Variants in BFAR observed in about 807,000 individuals in gnomAD.
BFAR encodes bifunctional apoptosis regulator.
In BFAR, 52 loss-of-function variants were observed where a neutral mutation model predicts 54.4. That is an observed-to-expected ratio of 0.96 (90% CI 0.77 to 1.21). The LOEUF (loss-of-function observed/expected upper bound fraction) is 1.21, where lower values mean the gene tolerates loss of function less well. Ranked by LOEUF, BFAR falls within the 50% of genes most tolerant of loss-of-function variation. The pLI is 0.00. For missense variants in BFAR, 571 were observed against 534.0 expected, an observed-to-expected ratio of 1.07 and a Z score of -0.68; for synonymous variants, 215 against 204.3, an observed-to-expected ratio of 1.05 and a Z score of -0.45.
At position 14,643,690 on chromosome 16, in the gene BFAR, C is replaced by G. The variant is rs1037059029; in HGVS notation, c.-73-584C>G. On this transcript the variant is annotated intron_variant, in intron 1 of 7. Coordinates refer to ENST00000261658, the MANE Select transcript of BFAR (RefSeq NM_016561.3). ...GAGGGTGAGGTGGAGGATCACCTAC[C>G]TGAGCCTGGGAAGTTGAGGCGGCAG... The G allele has an allele frequency of 2.0e-5, 3 of 152,082 alleles. No homozygotes were observed. In the East Asian group the frequency reaches 5.8e-4, roughly 29 times the overall value. The allele number at this position is 152,082 out of a possible 1,614,324, so 9.4% of individuals were successfully genotyped here.
chr16:14,652,505 T>G (rs960551761), intron 4 of BFAR, among the ~76,000 whole-genome samples: 1 of 151,774 alleles, frequency 6.6e-6, no homozygotes, highest in Admixed American at 6.6e-5. Context: ...GGTCTGAAAC[T>G]CCTGACCTCT....
intron 1 of BFAR, among the ~76,000 whole-genome samples, chr16:14,637,792 G>A (rs1959498729): frequency 6.6e-6 from 1 of 151,114 alleles, no homozygotes; most frequent in Non-Finnish European, 1.5e-5. Flanking sequence ...TTGTGCCACT[G>A]CACTCCAGCC....
At chr16:14,637,384 T>G (rs1959484256) in intron 1 of BFAR, among the ~76,000 whole-genome samples, 1 of 152,114 alleles carries the variant, frequency 6.6e-6, no homozygotes, top group Non-Finnish European at 1.5e-5. Context: ...TTTTGGTGTT[T>G]CCGCCTGGTT....
intron 7 of BFAR, among the ~76,000 whole-genome samples, chr16:14,665,370 A>G (rs1960414149): frequency 6.6e-6 from 1 of 152,206 alleles, no homozygotes; most frequent in African/African-American, 2.4e-5. Context: ...GGAATAAGCA[A>G]CTGAATAGAA....
Position 14,648,289 on chromosome 16 carries a change from C to T in BFAR, c.264-99C>T. The T allele has an allele frequency of 1.9e-5, 17 of 881,882 alleles. No homozygotes were observed. The South Asian group carries it at 2.5e-4, about 13-fold the overall frequency. 54.6% of individuals were successfully genotyped at this position (881,882 alleles called of 1,614,324 possible). On this transcript the variant is annotated intron_variant, in intron 2 of 7. Transcript: ENST00000261658. ...TTTCTTGTCAGTTCTCCTAGGGTAGCTATATATTATTAGATGTTGACTATC... is the reference window on the plus strand; with the variant it reads ...TTTCTTGTCAGTTCTCCTAGGGTAGTTATATATTATTAGATGTTGACTATC...
intron 6 of BFAR, among the ~76,000 whole-genome samples, chr16:14,664,260 T>C (rs1314130702): frequency 6.6e-6 from 1 of 151,796 alleles, no homozygotes; most frequent in Non-Finnish European, 1.5e-5. Flanking sequence ...GGTCGGGATT[T>C]ATGGTAAGTA....
chr16:14,657,641 C>A (rs1403421673), intron 5 of BFAR, among the ~76,000 whole-genome samples: 1 of 152,092 alleles, frequency 6.6e-6, no homozygotes, highest in African/African-American at 2.4e-5. Flanking sequence ...CTTCCAGGTT[C>A]AAGCAATTCT....
chr16:14,653,401 C>G (rs1356428596), intron 4 of BFAR, among the ~76,000 whole-genome samples: 1 of 151,984 alleles, frequency 6.6e-6, no homozygotes, highest in Admixed American at 6.6e-5. Context: ...GATCTTGGCT[C>G]ACTGCAACCT....
At chr16:14,664,131 A>G (rs1346796356) in intron 6 of BFAR, among the ~76,000 whole-genome samples, 1 of 152,106 alleles carries the variant, frequency 6.6e-6, no homozygotes, top group Admixed American at 6.6e-5. Flanking sequence ...TAATCCCAGA[A>G]GCACTGTCTG....
chr16:14,663,228 C>T (rs1223017286), intron 6 of BFAR, among the ~76,000 whole-genome samples: 1 of 152,132 alleles, frequency 6.6e-6, no homozygotes, highest in East Asian at 1.9e-4. Flanking sequence ...CCCTTACTCC[C>T]ACCTTGCCCT....
chr16:14,650,861 T>TGA (rs1567489803), intron 4 of BFAR, among the ~76,000 whole-genome samples: 1 of 152,206 alleles, frequency 6.6e-6, no homozygotes, highest in Non-Finnish European at 1.5e-5. Context: ...GTGGAATGAC[T>TGA]GAGTCATATG....
intron 3 of BFAR, 32 bp from the exon 4 acceptor site, chr16:14,649,772 C>G: frequency 6.4e-7 from 1 of 1,550,564 alleles, no homozygotes; most frequent in Non-Finnish European, 8.8e-7. Flanking sequence ...TCTGCCTCTC[C>G]ATGGTTTAAA....
At chr16:14,661,833 G>A (rs570331519) in intron 5 of BFAR, 59 bp from the exon 6 acceptor site, 29 of 1,574,698 alleles carry the variant, frequency 1.8e-5, no homozygotes, top group Admixed American at 5.1e-5. Context: ...GGGAAGGAGC[G>A]TGGGTGGGTA....
chr16:14,669,188 A>G lies in BFAR; in HGVS notation c.*1361A>G, dbSNP rs1960528696. 3.1e-6 allele frequency: 1 copy of G among 324,234 alleles called. No individual in the cohort carries two copies. Among genetic ancestry groups the G allele is most frequent in the South Asian group, 2.3e-5 (1 of 42,642 alleles). 20.1% of individuals were successfully genotyped at this position (324,234 alleles called of 1,614,324 possible). ...CTCAAAAGTTGCATCTGGAAGTTCGAAGAAATTACTTGAAATAAAAATAAA... is the reference window on the plus strand; with the variant it reads ...CTCAAAAGTTGCATCTGGAAGTTCGGAGAAATTACTTGAAATAAAAATAAA... On this transcript the variant is annotated 3_prime_UTR_variant, in exon 8 of 8. Coordinates refer to ENST00000261658, the MANE Select transcript of BFAR (RefSeq NM_016561.3).
intron 4 of BFAR, among the ~76,000 whole-genome samples, chr16:14,652,792 T>C (rs1960010602): frequency 6.6e-6 from 1 of 152,156 alleles, no homozygotes; most frequent in Non-Finnish European, 1.5e-5. Flanking sequence ...CATGTATATA[T>C]ATATTTACAT....
intron 1 of BFAR, among the ~76,000 whole-genome samples, chr16:14,634,691 C>G (rs1380614099): frequency 6.6e-6 from 1 of 152,096 alleles, no homozygotes; most frequent in Non-Finnish European, 1.5e-5. Context: ...GTAAACCTCC[C>G]AACAGCCCTT....
chr16:14,635,884 C>T (rs1010749877), intron 1 of BFAR, among the ~76,000 whole-genome samples: 6 of 152,124 alleles, frequency 3.9e-5, no homozygotes, highest in African/African-American at 1.4e-4. Context: ...CCCGCCTCGG[C>T]CTCCCAAAGT....
At chr16:14,634,790 G>T (rs905471676) in intron 1 of BFAR, among the ~76,000 whole-genome samples, 2 of 152,206 alleles carry the variant, frequency 1.3e-5, no homozygotes, top group Non-Finnish European at 2.9e-5. Context: ...ACCCAGATCA[G>T]TGTCACTCCT....
chr16:14,667,698 C>T lies in BFAR; in HGVS notation c.1224C>T (p.Ala408=). The change falls in exon 8 of 8, where the codon GCC becomes GCT. Residue 408 remains alanine (A), a synonymous_variant. Transcript: ENST00000261658. ...WKVSTQGLFV[A]MFWPLIPQFV... ...TATCAACGCAGGGGCTTTTTGTGGCCATGTTCTGGCCCCTCATCCCTCAGT... is the reference window on the plus strand; with the variant it reads ...TATCAACGCAGGGGCTTTTTGTGGCTATGTTCTGGCCCCTCATCCCTCAGT... 6.2e-7 allele frequency: 1 copy of T among 1,614,156 alleles called. No individual in the cohort carries two copies. The highest frequency in any genetic ancestry group is 8.5e-7 in the Non-Finnish European group (1 of 1,180,008).
Sources: gnomAD v4.1 joint callset for allele counts (sites outside exome capture counted in the v4.1 genomes callset) on GRCh38, gnomAD v4.1.1 for gene constraint, MANE v1.5 for transcripts, NCBI Gene and HGNC (gene_info 2026-07-23, HGNC 2026-07-21) for gene names.